The following EML5 variants were observed in gnomAD, a reference collection of about 807,000 sequenced individuals.
The protein encoded by EML5 is EMAP like 5, also known as echinoderm microtubule-associated protein-like 5.
Under a neutral mutation model 250.0 loss-of-function variants are expected in EML5, and 120 were observed. The ratio of observed to expected loss-of-function variants is 0.48; its 90% CI spans 0.41 to 0.56. The LOEUF is 0.56. Among genes scored for constraint, EML5 ranks in the 20% least tolerant of loss-of-function variants. EML5 has a pLI of 0.00. For missense variants in EML5, 2,006 were observed against 2,437.6 expected (o/e 0.82, Z 3.73); for synonymous variants, 771 against 806.5 (o/e 0.96, Z 0.75).
chr14:88,785,287 T>G (rs1030841135), intron 1 of EML5, among the ~76,000 whole-genome samples: 1 of 152,158 alleles, frequency 6.6e-6, no homozygotes, highest in African/African-American at 2.4e-5. Context: ...AGGGTGACTA[T>G]AGTCAGTAAT....
In EML5 at chr14:88,661,841, A is replaced by G; in HGVS notation, c.3499-11T>C. On this transcript the variant is annotated splice_polypyrimidine_tract_variant and intron_variant, in intron 24 of 43. Coordinates refer to ENST00000554922, the MANE Select transcript of EML5 (RefSeq NM_183387.3). Reference sequence around the variant, plus strand: ...AGCAATTTTTTCTACCTAAAAATGAAAAACAATGCTGTAAGTTTGGATTAT... The same window carrying G: ...AGCAATTTTTTCTACCTAAAAATGAGAAACAATGCTGTAAGTTTGGATTAT... 1 of 1,602,566 alleles carries G rather than the reference A, an allele frequency of 6.2e-7. No homozygotes were observed. The highest frequency in any genetic ancestry group is 8.5e-7 in the Non-Finnish European group (1 of 1,173,602).
intron 36 of EML5, 86 bp downstream of exon 36, chr14:88,624,884 A>T (rs1329764356): frequency 1.4e-6 from 2 of 1,476,200 alleles, no homozygotes; most frequent in East Asian, 4.7e-5. Context: ...CACTCTGTGT[A>T]GCCTAGAAAC....
chr14:88,740,648 G>T, intron 4 of EML5, 76 bp from the exon 5 acceptor site: 1 of 1,305,546 alleles, frequency 7.7e-7, no homozygotes, highest in Non-Finnish European at 1.0e-6. Flanking sequence ...ATACTTTGAT[G>T]CTATATTAGA....
At chr14:88,651,807 G>A (rs61984738) in intron 27 of EML5, among the ~76,000 whole-genome samples, 10,906 of 152,064 alleles carry the variant, frequency 0.072, 540 homozygotes, top group Non-Finnish European at 0.11. Context: ...TAATGTTTAA[G>A]TATTTACCAG....
At chr14:88,644,693 T>C (rs1174343211) in intron 29 of EML5, 182 bp from the exon 30 acceptor site, 1 of 500,670 alleles carries the variant, frequency 2.0e-6, no homozygotes, top group Non-Finnish European at 3.5e-6. Flanking sequence ...AGAAAGAAAA[T>C]ATTACAACTT....
chr14:88,685,226 A>T (rs901302146), intron 19 of EML5, 84 bp from the exon 20 acceptor site: 3 of 1,191,710 alleles, frequency 2.5e-6, no homozygotes, highest in African/African-American at 3.1e-5. Flanking sequence ...AGCTATTTTG[A>T]CAGTGAAAAT....
chr14:88,670,904 TGA>T (rs1206273337), intron 21 of EML5, among the ~76,000 whole-genome samples: 1 of 151,626 alleles, frequency 6.6e-6, no homozygotes, highest in Non-Finnish European at 1.5e-5. Flanking sequence ...GCAAAACCTC[TGA>T]GAACTATGGG....
chr14:88,685,543 A>G (rs1335752409), intron 19 of EML5, among the ~76,000 whole-genome samples: 3 of 152,230 alleles, frequency 2.0e-5, no homozygotes, highest in Non-Finnish European at 4.4e-5. Flanking sequence ...CACAGATACC[A>G]AAGTCTATGG....
Position 88,776,647 on chromosome 14 carries a change from G to A in EML5, c.197+15660C>T, listed in dbSNP as rs141779440. 5.3e-5 allele frequency among the ~76,000 whole-genome samples: 8 copies of A among 151,902 alleles called. No individual in the cohort carries two copies. In the East Asian group the frequency reaches 7.8e-4, roughly 15 times the overall value. On this transcript the variant is annotated intron_variant, in intron 1 of 43. Coordinates refer to ENST00000554922, the MANE Select transcript of EML5 (RefSeq NM_183387.3). ...TGTAATCCCAGCACTTTGGGAGGTC[G>A]AAGCAGGTGAACTGCTTGAGCCCAG...
Position 88,642,931 on chromosome 14 carries a change from TG to T in EML5, c.4198del (p.His1400ThrfsTer31). The part of the protein sequence containing the change: ...YLNDGDDIIY[H>X]TASVGILHNV... ...GTGCAGAATTCCAACAGATGCAGTGTGATAAATTATATCATCACCATCATTT... is the reference window on the plus strand; with the variant it reads ...GTGCAGAATTCCAACAGATGCAGTGTATAAATTATATCATCACCATCATTT... On this transcript the variant is annotated frameshift_variant, in exon 31 of 44. Coordinates refer to ENST00000554922, the MANE Select transcript of EML5 (RefSeq NM_183387.3). LOFTEE classifies it high-confidence loss of function. 6.2e-7 allele frequency: 1 copy of T among 1,606,964 alleles called. No individual in the cohort carries two copies. The highest frequency in any genetic ancestry group is 8.5e-7 in the Non-Finnish European group (1 of 1,177,746).
intron 25 of EML5, among the ~76,000 whole-genome samples, chr14:88,660,755 G>GA (rs2092066730): frequency 6.8e-6 from 1 of 146,144 alleles, no homozygotes; most frequent in Admixed American, 6.8e-5. Context: ...GAAAAAAAAA[G>GA]AAAAAAGAAA....
intron 21 of EML5, among the ~76,000 whole-genome samples, chr14:88,680,184 C>T (rs991600346): frequency 2.6e-5 from 4 of 151,934 alleles, no homozygotes; most frequent in African/African-American, 9.7e-5. Flanking sequence ...CTAATTTTTA[C>T]TTTAAATTTT....
At chr14:88,758,015 T>C (rs754442319) in intron 1 of EML5, among the ~76,000 whole-genome samples, 1 of 140,722 alleles carries the variant, frequency 7.1e-6, no homozygotes, top group African/African-American at 2.8e-5. Flanking sequence ...ACCACACCTG[T>C]CTAATTTTTT....
chr14:88,620,701 A>T lies in EML5; in HGVS notation c.5375+53T>A, dbSNP rs2088735179. 3.6e-6 allele frequency: 5 copies of T among 1,391,918 alleles called. No individual in the cohort carries two copies. In the South Asian group the frequency reaches 6.0e-5, roughly 17 times the overall value. 86.2% of individuals were successfully genotyped at this position (1,391,918 alleles called of 1,614,324 possible). A position where few individuals can be genotyped will look rare whatever the true frequency, so the allele number is the denominator to read the frequency against. ...GGCAAGGCTATGGAAAATTTTACAA[A>T]TGGAAGTTAAATCAAGTATATACTA... On this transcript the variant is annotated intron_variant, in intron 39 of 43. Transcript: ENST00000554922. The surrounding 1 kb of genome is among the most constrained non-coding windows in gnomAD (Gnocchi z 4.3).
chr14:88,738,705 C>T (rs1484235740), intron 6 of EML5, among the ~76,000 whole-genome samples, 174 bp downstream of exon 6: 2 of 152,048 alleles, frequency 1.3e-5, no homozygotes, highest in Non-Finnish European at 2.9e-5. Context: ...AAACTCTTTA[C>T]AGGCAAAATT....
intron 27 of EML5, among the ~76,000 whole-genome samples, chr14:88,656,295 G>A (rs934532610): frequency 1.3e-5 from 2 of 152,090 alleles, no homozygotes; most frequent in Non-Finnish European, 2.9e-5. Context: ...CCATAAAAAA[G>A]GATGAGTTCA....
intron 8 of EML5, among the ~76,000 whole-genome samples, chr14:88,715,857 A>C (rs1411481926): frequency 6.6e-6 from 1 of 151,976 alleles, no homozygotes; most frequent in Non-Finnish European, 1.5e-5. Flanking sequence ...AATAGAACAC[A>C]CATTCCTCCC....
chr14:88,643,122 T>C (rs1269545964), intron 30 of EML5, 100 bp from the exon 31 acceptor site: 3 of 1,137,604 alleles, frequency 2.6e-6, no homozygotes, highest in Non-Finnish European at 3.6e-6. Context: ...GCAGTCAAAA[T>C]GGAGTATGCA....
At chr14:88,655,354 C>A (rs1437819788) in intron 27 of EML5, among the ~76,000 whole-genome samples, 1 of 152,084 alleles carries the variant, frequency 6.6e-6, no homozygotes, top group Non-Finnish European at 1.5e-5. Flanking sequence ...CTTTGACAAA[C>A]CTGGTAAAAA....
Sources: allele counts gnomAD v4.1 joint callset (sites outside exome capture counted in the v4.1 genomes callset), GRCh38; gene constraint gnomAD v4.1.1; non-coding constraint Gnocchi (gnomAD v3.1); transcripts MANE v1.5; gene names NCBI Gene and HGNC (gene_info 2026-07-23, HGNC 2026-07-21).